SYT14: variants seen among roughly 807,000 people sequenced by gnomAD.
SYT14 encodes the protein synaptotagmin-14.
SYT14 carries 32 observed loss-of-function variants against 74.2 expected under a neutral mutation model. The ratio of observed to expected loss-of-function variants is 0.43; its 90% CI spans 0.33 to 0.58. SYT14 has a LOEUF of 0.58. Among genes scored for constraint, SYT14 ranks in the 20% least tolerant of loss-of-function variants. The pLI is 0.05. For missense variants in SYT14, 791 were observed against 981.8 expected (o/e 0.81, Z 2.60); for synonymous variants, 298 against 337.7 (o/e 0.88, Z 1.29).
chr1:209,965,306 G>A (rs967691284), intron 2 of SYT14, among the ~76,000 whole-genome samples: 3 of 152,152 alleles, frequency 2.0e-5, no homozygotes, highest in African/African-American at 7.2e-5. Flanking sequence ...GTGAGAAGAA[G>A]TGATGTTTGA....
chr1:209,993,817 A>G (rs2079737419), intron 2 of SYT14, among the ~76,000 whole-genome samples: 1 of 152,160 alleles, frequency 6.6e-6, no homozygotes, highest in African/African-American at 2.4e-5. Context: ...AGGAAGTACC[A>G]AAGAGTTGTG....
chr1:210,100,977 G>A (rs894477526), intron 7 of SYT14, among the ~76,000 whole-genome samples: 1 of 152,106 alleles, frequency 6.6e-6, no homozygotes, highest in Non-Finnish European at 1.5e-5. Context: ...GGCCTCATTA[G>A]ACTTTCCACC....
intron 1 of SYT14, among the ~76,000 whole-genome samples, chr1:209,950,783 T>C (rs1436951146): frequency 2.6e-5 from 4 of 152,174 alleles, no homozygotes; most frequent in Non-Finnish European, 5.9e-5. Context: ...CTGTTTCTTA[T>C]AACCAAGCTG....
At chr1:210,091,001 G>A (rs1241127748) in intron 5 of SYT14, among the ~76,000 whole-genome samples, 3 of 152,172 alleles carry the variant, frequency 2.0e-5, no homozygotes, top group Non-Finnish European at 4.4e-5. Context: ...TCAAAACTTG[G>A]AGGATATGGT....
At chr1:210,133,037 A>G (rs2082710155) in intron 7 of SYT14, among the ~76,000 whole-genome samples, 1 of 152,202 alleles carries the variant, frequency 6.6e-6, no homozygotes, top group Admixed American at 6.5e-5. Flanking sequence ...TTTTCCCACA[A>G]TGGTCAGAGG....
chr1:209,943,824 A>G (rs888935644), intron 1 of SYT14, among the ~76,000 whole-genome samples: 2 of 152,216 alleles, frequency 1.3e-5, no homozygotes, highest in African/African-American at 4.8e-5. Flanking sequence ...AAACTACTAT[A>G]TATAAAACAT....
chr1:209,957,071 T>TA (rs1355821285), intron 2 of SYT14, among the ~76,000 whole-genome samples: 1 of 152,122 alleles, frequency 6.6e-6, no homozygotes, highest in Non-Finnish European at 1.5e-5. Flanking sequence ...GAAACTAACT[T>TA]ATGCTGACTG....
At chr1:210,151,574 G>A (rs1340261952) in intron 7 of SYT14, among the ~76,000 whole-genome samples, 2 of 118,298 alleles carry the variant, frequency 1.7e-5, no homozygotes, top group African/African-American at 3.3e-5. Flanking sequence ...TGCTTTTCTT[G>A]TACTGAGTGA....
At chr1:210,040,007 T>C (rs2080752970) in intron 5 of SYT14, among the ~76,000 whole-genome samples, 1 of 152,148 alleles carries the variant, frequency 6.6e-6, no homozygotes, top group Non-Finnish European at 1.5e-5. Context: ...GAAATACCGT[T>C]AGACTCAGCA....
chr1:209,983,136 T>A (rs945280068), intron 2 of SYT14, among the ~76,000 whole-genome samples: 4 of 152,172 alleles, frequency 2.6e-5, no homozygotes, highest in Admixed American at 6.5e-5. Context: ...TTTCCTGTAA[T>A]CTGTAGCTTG....
intron 2 of SYT14, among the ~76,000 whole-genome samples, chr1:209,960,264 C>T (rs1410557431): frequency 6.6e-6 from 1 of 151,998 alleles, no homozygotes; most frequent in Non-Finnish European, 1.5e-5. Flanking sequence ...CATGTAATAT[C>T]CCAGTATGAA....
chr1:210,011,531 A>G (rs1294432847), intron 2 of SYT14, among the ~76,000 whole-genome samples: 1 of 152,010 alleles, frequency 6.6e-6, no homozygotes, highest in Non-Finnish European at 1.5e-5. Flanking sequence ...GCCTTACAAT[A>G]TTACTCTCTG....
intron 5 of SYT14, among the ~76,000 whole-genome samples, chr1:210,082,283 C>T (rs2081630605): frequency 6.6e-6 from 1 of 152,148 alleles, no homozygotes; most frequent in African/African-American, 2.4e-5. Context: ...CTCCCAAGTC[C>T]ATACATCGAG....
intron 7 of SYT14, among the ~76,000 whole-genome samples, chr1:210,137,879 C>T (rs780126631): frequency 6.6e-6 from 1 of 152,102 alleles, no homozygotes; most frequent in Non-Finnish European, 1.5e-5. Flanking sequence ...CGGGGTTTCA[C>T]CATGTTGGTC....
At chr1:209,973,489 G>A (rs577748362) in intron 2 of SYT14, among the ~76,000 whole-genome samples, 47 of 152,224 alleles carry the variant, frequency 3.1e-4, no homozygotes, top group Middle Eastern at 3.4e-3. Flanking sequence ...GAGATAGTTT[G>A]CTGAGAATGA....
chr1:210,115,750 G>A (rs1342491149), intron 7 of SYT14, among the ~76,000 whole-genome samples: 2 of 151,212 alleles, frequency 1.3e-5, no homozygotes, highest in Non-Finnish European at 2.9e-5. Flanking sequence ...CTGAGGACCC[G>A]AGGTCGTAGG....
chr1:210,019,906 G>A (rs1395978865), intron 4 of SYT14, among the ~76,000 whole-genome samples: 1 of 152,116 alleles, frequency 6.6e-6, no homozygotes, highest in African/African-American at 2.4e-5. Flanking sequence ...GTAATAACTA[G>A]TGCTTTTTAG....
At chr1:209,989,929 A>C (rs1458993726) in intron 2 of SYT14, among the ~76,000 whole-genome samples, 1 of 152,170 alleles carries the variant, frequency 6.6e-6, no homozygotes, top group East Asian at 1.9e-4. Flanking sequence ...TTTAAAATTC[A>C]GCTATATATT....
chr1:210,087,415 C>A (rs771649423), intron 5 of SYT14, among the ~76,000 whole-genome samples: 7 of 152,190 alleles, frequency 4.6e-5, no homozygotes. Context: ...AGCTCTGATA[C>A]TTCTCATTCT....
Sources: allele counts gnomAD v4.1 joint callset (sites outside exome capture counted in the v4.1 genomes callset), GRCh38; gene constraint gnomAD v4.1.1; transcripts MANE v1.5; gene names NCBI Gene and HGNC (gene_info 2026-07-23, HGNC 2026-07-21).